The following NKAIN3 variants were observed in gnomAD, a reference collection of about 807,000 sequenced individuals.
The protein encoded by NKAIN3 is sodium/potassium-transporting ATPase subunit beta-1-interacting protein 3.
NKAIN3 carries 25 observed loss-of-function variants against 30.2 expected under a neutral mutation model. The observed-to-expected ratio is 0.83, with a 90% confidence interval of 0.60 to 1.16. The LOEUF is 1.16. Among genes scored for constraint, NKAIN3 ranks in the 50% most tolerant of loss-of-function variants. NKAIN3 has a pLI of 0.00. For missense variants in NKAIN3, 225 were observed against 254.1 expected (o/e 0.89, Z 0.78); for synonymous variants, 91 against 89.6 (o/e 1.02, Z -0.09).
intron 4 of NKAIN3, among the ~76,000 whole-genome samples, chr8:62,802,544 C>G (rs1363817042): frequency 6.6e-6 from 1 of 152,108 alleles, no homozygotes; most frequent in South Asian, 2.1e-4. Flanking sequence ...AAATAAAATA[C>G]TTTACAGACA....
chr8:62,529,865 T>C (rs1014373269), intron 1 of NKAIN3, among the ~76,000 whole-genome samples: 2 of 152,236 alleles, frequency 1.3e-5, no homozygotes, highest in East Asian at 1.9e-4. Flanking sequence ...CAAGCTGAGC[T>C]CTTGTTATCT....
At chr8:62,456,518 TA>T (rs5891857) in intron 1 of NKAIN3, among the ~76,000 whole-genome samples, 34,748 of 143,552 alleles carry the variant, frequency 0.24, 4,231 homozygotes, top group East Asian at 0.42. Flanking sequence ...GACTCCGTCT[TA>T]AAAAAAAAAA....
At chr8:62,426,381 G>A (rs867192454) in intron 1 of NKAIN3, among the ~76,000 whole-genome samples, 2 of 151,928 alleles carry the variant, frequency 1.3e-5, no homozygotes, top group African/African-American at 4.8e-5. Context: ...AGTTACTTCA[G>A]AATATGAATA....
rs553908097 is a variant in NKAIN3, at chr8:62,599,883, A to G, written c.273+10089A>G. 2.0e-4 allele frequency among the ~76,000 whole-genome samples: 31 copies of G among 152,126 alleles called. No individual in the cohort carries two copies. The East Asian group carries it at 6.0e-3, about 30-fold the overall frequency. On this transcript the variant is annotated intron_variant, in intron 3 of 6. Coordinates refer to ENST00000623646, the MANE Select transcript of NKAIN3 (RefSeq NM_001304533.3). ...GCTGTTTTTCTTGCCACACTTTAAG[A>G]TCATCAAGGGCACAATTAATAAGTT... is the stretch of plus-strand genomic sequence containing the variant.
chr8:62,542,591 C>T (rs1808879159), intron 1 of NKAIN3, among the ~76,000 whole-genome samples: 1 of 152,012 alleles, frequency 6.6e-6, no homozygotes, highest in South Asian at 2.1e-4. Flanking sequence ...CATTTGAGTT[C>T]CTCTATCCCA....
intron 1 of NKAIN3, among the ~76,000 whole-genome samples, chr8:62,281,097 T>C (rs1414276370): frequency 2.0e-5 from 3 of 152,174 alleles, no homozygotes. Context: ...CCTGGTTTAG[T>C]CTTGGGAGGG....
At chr8:62,270,811 G>T (rs1812754921) in intron 1 of NKAIN3, among the ~76,000 whole-genome samples, 1 of 152,134 alleles carries the variant, frequency 6.6e-6, no homozygotes, top group Non-Finnish European at 1.5e-5. Flanking sequence ...CGAGCATGTG[G>T]CATTTGCGTT....
chr8:62,253,832 T>G (rs1212281046), intron 1 of NKAIN3, among the ~76,000 whole-genome samples: 1 of 152,204 alleles, frequency 6.6e-6, no homozygotes, highest in Non-Finnish European at 1.5e-5. Flanking sequence ...GTCGTAGATA[T>G]TGGACAGCGA....
intron 3 of NKAIN3, among the ~76,000 whole-genome samples, chr8:62,739,448 A>G (rs1380825544): frequency 2.0e-5 from 3 of 152,104 alleles, no homozygotes; most frequent in Non-Finnish European, 4.4e-5. Flanking sequence ...ACCAGAATTT[A>G]TGTTGCTCTG....
intron 6 of NKAIN3, among the ~76,000 whole-genome samples, chr8:62,962,003 A>AT (rs1365942929): frequency 6.6e-6 from 1 of 152,222 alleles, no homozygotes; most frequent in African/African-American, 2.4e-5. Context: ...AAAAATGTAG[A>AT]TTTTTGCATA....
Position 62,664,846 on chromosome 8 carries a change from C to A in NKAIN3, c.273+75052C>A, listed in dbSNP as rs146092690. ...CAAGAACTCCAGCTGAGAAAGAATG[C>A]TCTAAATGTTGATGTCACCTAAAAT... On this transcript the variant is annotated intron_variant, in intron 3 of 6. Transcript: ENST00000623646. Among the ~76,000 whole-genome samples, 302 of 152,254 alleles carry A rather than the reference C, an allele frequency of 2.0e-3. 1 individual carries two copies. Among genetic ancestry groups the A allele is most frequent in the Middle Eastern group, 3.4e-3 (1 of 292 alleles).
intron 4 of NKAIN3, among the ~76,000 whole-genome samples, chr8:62,789,944 C>T (rs1439928887): frequency 6.6e-6 from 1 of 152,098 alleles, no homozygotes; most frequent in East Asian, 1.9e-4. Context: ...AAGAGGGAAT[C>T]CTCCCTAACT....
At position 62,975,022 on chromosome 8, in the gene NKAIN3, T is replaced by C. The variant is rs1348902821; in HGVS notation, c.*9615T>C. ...CCCAGGGATGAAGCTGACTTGATCATGGTGGGTAAGCTTTTTAATGTACTG... is the reference window on the plus strand; with the variant it reads ...CCCAGGGATGAAGCTGACTTGATCACGGTGGGTAAGCTTTTTAATGTACTG... On this transcript the variant is annotated 3_prime_UTR_variant, in exon 7 of 7. Coordinates refer to ENST00000623646, the MANE Select transcript of NKAIN3 (RefSeq NM_001304533.3). Among the ~76,000 whole-genome samples, 1 of 152,212 alleles carries C rather than the reference T, an allele frequency of 6.6e-6. No individual in the cohort carries two copies. The highest frequency in any genetic ancestry group is 1.5e-5 in the Non-Finnish European group (1 of 68,026).
chr8:62,498,714 C>CT (rs35892368), intron 1 of NKAIN3, among the ~76,000 whole-genome samples: 18,471 of 145,356 alleles, frequency 0.13, 1,259 homozygotes, highest in African/African-American at 0.19. Flanking sequence ...GGATGTATGT[C>CT]TTTTTTTTTT....
chr8:62,358,897 T>A (rs1816442817), intron 1 of NKAIN3, among the ~76,000 whole-genome samples: 1 of 152,184 alleles, frequency 6.6e-6, no homozygotes, highest in South Asian at 2.1e-4. Flanking sequence ...GAAAATATTC[T>A]ATGGCCGGGC....
At chr8:62,566,715 T>C (rs1809765938) in intron 1 of NKAIN3, among the ~76,000 whole-genome samples, 1 of 152,132 alleles carries the variant, frequency 6.6e-6, no homozygotes, top group African/African-American at 2.4e-5. Context: ...GCTCCAACTT[T>C]TTTTTCAGTT....
chr8:62,623,282 A>G (rs916576949), intron 3 of NKAIN3, among the ~76,000 whole-genome samples: 3 of 152,086 alleles, frequency 2.0e-5, no homozygotes, highest in African/African-American at 7.2e-5. Context: ...GATACTATAA[A>G]CAACCTAAGA....
rs182254692 is a variant in NKAIN3 at position 62,348,872 on chromosome 8, C to T, written c.54+99745C>T. ...AAATATTGAACTAAGAAATACGAGC[C>T]AAAGCCTGCCTGTCCTACTCAACAA... On this transcript the variant is annotated intron_variant, in intron 1 of 6. Transcript: ENST00000623646. Among the ~76,000 whole-genome samples, 216 of 152,174 alleles carry T rather than the reference C, an allele frequency of 1.4e-3. 1 individual carries two copies. Among genetic ancestry groups the T allele is most frequent in the African/African-American group, 5.0e-3 (209 of 41,510 alleles).
chr8:62,302,358 A>T (rs56108587), intron 1 of NKAIN3, among the ~76,000 whole-genome samples: 5,346 of 152,124 alleles, frequency 0.035, 342 homozygotes, highest in African/African-American at 0.12. Flanking sequence ...CATCAAAGAG[A>T]GCTCTACAGG....
Sources: gnomAD v4.1 joint callset for allele counts (sites outside exome capture counted in the v4.1 genomes callset) on GRCh38, gnomAD v4.1.1 for gene constraint, MANE v1.5 for transcripts, NCBI Gene and HGNC (gene_info 2026-07-23, HGNC 2026-07-21) for gene names.